The following ADRA1A variants were observed in gnomAD, a reference collection of about 807,000 sequenced individuals.
ADRA1A encodes the protein adrenoceptor alpha 1A.
Under a neutral mutation model 29.6 loss-of-function variants are expected in ADRA1A, and 31 were observed. That is an observed-to-expected ratio of 1.05 (90% CI 0.79 to 1.41). ADRA1A has a LOEUF of 1.41. Ranked by LOEUF, ADRA1A falls within the 40% of genes most tolerant of loss-of-function variation. The pLI, the probability that ADRA1A is intolerant of heterozygous loss-of-function variation, is 0.00. For missense variants in ADRA1A, 619 were observed against 601.1 expected, an observed-to-expected ratio of 1.03 and a Z score of -0.31; for synonymous variants, 311 against 254.3, an observed-to-expected ratio of 1.22 and a Z score of -2.12.
At chr8:26,827,932 C>T (rs1291081825) in intron 2 of ADRA1A, among the ~76,000 whole-genome samples, 2 of 152,154 alleles carry the variant, frequency 1.3e-5, no homozygotes, top group Non-Finnish European at 2.9e-5. Context: ...CTCACTCTTT[C>T]ACCCAGGCTG....
At chr8:26,790,276 T>TA (rs1176841674) in intron 2 of ADRA1A, among the ~76,000 whole-genome samples, 2 of 152,128 alleles carry the variant, frequency 1.3e-5, no homozygotes, top group Non-Finnish European at 2.9e-5. Flanking sequence ...TACTCAGCCC[T>TA]AAAAAAGAAT....
At position 26,769,601 on chromosome 8, in the gene ADRA1A, A is replaced by G. The variant is rs1805987562; in HGVS notation, c.*548T>C. The G allele has an allele frequency of 1.0e-6, 1 of 985,448 alleles. No individual in the cohort carries two copies. The highest frequency in any genetic ancestry group is 6.1e-5 in the Admixed American group (1 of 16,270). 61.0% of individuals were successfully genotyped at this position (985,448 alleles called of 1,614,324 possible). ...CTGCCAAGTTTCCCTCAAGCTGAGA[A>G]ATTGGATGTATCAGAAAGGGTGGAG... On this transcript the variant is annotated 3_prime_UTR_variant, in exon 3 of 3. Coordinates refer to ENST00000380573, the MANE Select transcript of ADRA1A (RefSeq NM_000680.4).
At chr8:26,858,532 G>A (rs1239694334) in intron 2 of ADRA1A, among the ~76,000 whole-genome samples, 1 of 152,150 alleles carries the variant, frequency 6.6e-6, no homozygotes, top group Non-Finnish European at 1.5e-5. Context: ...AGAAAGCCTA[G>A]GTTTAAATCT....
intron 2 of ADRA1A, among the ~76,000 whole-genome samples, chr8:26,813,052 T>G (rs1809525420): frequency 6.7e-6 from 1 of 150,358 alleles, no homozygotes; most frequent in South Asian, 2.1e-4. Context: ...CGCTATCGTC[T>G]AACTACAATT....
At chr8:26,804,035 C>T (rs1808789832) in intron 2 of ADRA1A, among the ~76,000 whole-genome samples, 1 of 150,858 alleles carries the variant, frequency 6.6e-6, no homozygotes, top group Non-Finnish European at 1.5e-5. Context: ...GATCCTTCCA[C>T]CACAGCATCC....
intron 2 of ADRA1A, among the ~76,000 whole-genome samples, chr8:26,846,811 A>T (rs575363917): frequency 6.6e-6 from 1 of 152,210 alleles, no homozygotes; most frequent in Non-Finnish European, 1.5e-5. Flanking sequence ...AAAGACTTGG[A>T]ACCAACCCAA....
intron 2 of ADRA1A, among the ~76,000 whole-genome samples, chr8:26,849,488 T>G (rs987365018): frequency 2.6e-4 from 40 of 152,226 alleles, no homozygotes; most frequent in African/African-American, 9.4e-4. Flanking sequence ...AAACAGCCTT[T>G]GCTGTGCAAA....
chr8:26,799,166 T>TA (rs199547291), intron 2 of ADRA1A, among the ~76,000 whole-genome samples: 12,147 of 151,590 alleles, frequency 0.08, 523 homozygotes, highest in African/African-American at 0.13. Context: ...TCTTCTGCTG[T>TA]AAAAAAAAAG....
chr8:26,779,845 C>A (rs1806827018), intron 2 of ADRA1A, among the ~76,000 whole-genome samples: 1 of 152,120 alleles, frequency 6.6e-6, no homozygotes, highest in African/African-American at 2.4e-5. Context: ...AACTTGTGAG[C>A]TTCTTAATAA....
rs563580372 is a variant in ADRA1A at position 26,796,882 on chromosome 8, A to G, written c.884-26216T>C. ...GGCAGATATGTTCAGGACATATTGG[A>G]GAGGTTTATTCCCTCACTGCGCAAA... On this transcript the variant is annotated intron_variant, in intron 2 of 2. Coordinates refer to ENST00000380573, the MANE Select transcript of ADRA1A (RefSeq NM_000680.4). The surrounding 1 kb of genome is among the most constrained non-coding windows in gnomAD (Gnocchi z 5.0). 6.6e-6 allele frequency among the ~76,000 whole-genome samples: 1 copy of G among 152,212 alleles called. No individual in the cohort carries two copies. The highest frequency in any genetic ancestry group is 2.4e-5 in the African/African-American group (1 of 41,530).
At chr8:26,792,129 T>A (rs1807881193) in intron 2 of ADRA1A, among the ~76,000 whole-genome samples, 2 of 152,152 alleles carry the variant, frequency 1.3e-5, no homozygotes, top group Admixed American at 6.6e-5. Context: ...AAAGCAGCCA[T>A]CAGGATTGGA....
chr8:26,786,260 G>T (rs142500978), intron 2 of ADRA1A, among the ~76,000 whole-genome samples: 2,014 of 151,364 alleles, frequency 0.013, 28 homozygotes, highest in Middle Eastern at 0.071. Flanking sequence ...TTTGAGATAA[G>T]GTCTCACTCT....
chr8:26,778,123 G>A (rs1806684311), intron 2 of ADRA1A, among the ~76,000 whole-genome samples: 1 of 152,144 alleles, frequency 6.6e-6, no homozygotes, highest in South Asian at 2.1e-4. Flanking sequence ...CTTGTCAAAT[G>A]GTTCGTCTCA....
chr8:26,804,687 T>C (rs1315406589), intron 2 of ADRA1A, among the ~76,000 whole-genome samples: 1 of 152,086 alleles, frequency 6.6e-6, no homozygotes. Flanking sequence ...AAGTGAAAAA[T>C]CAACCTCTAA....
chr8:26,824,416 T>G (rs189593512), intron 2 of ADRA1A, among the ~76,000 whole-genome samples: 8 of 152,180 alleles, frequency 5.3e-5, no homozygotes, highest in Admixed American at 4.6e-4. Context: ...CAAACTTCGT[T>G]TTTTGCATCT....
intron 2 of ADRA1A, chr8:26,836,434 C>G (rs1811366582): frequency 6.6e-6 from 1 of 152,434 alleles, no homozygotes; most frequent in Admixed American, 6.5e-5. Context: ...CTGCAAAAGT[C>G]CCTTCTACTG....
At chr8:26,789,391 C>T (rs1197093873) in intron 2 of ADRA1A, among the ~76,000 whole-genome samples, 1 of 152,056 alleles carries the variant, frequency 6.6e-6, no homozygotes, top group Non-Finnish European at 1.5e-5. Flanking sequence ...AACAAAGCTG[C>T]CAAGAACATA....
Position 26,866,127 on chromosome 8 carries a change from C to A in ADRA1A, c.-686-472G>T, listed in dbSNP as rs1467185921. ...GGCGGCCTGGGAGAGGGAACAGCTGCGACCCAGGGACCTCAGGGCCAGGAC... is the reference window on the plus strand; with the variant it reads ...GGCGGCCTGGGAGAGGGAACAGCTGAGACCCAGGGACCTCAGGGCCAGGAC... On this transcript the variant is annotated intron_variant, in intron 1 of 2. Transcript: ENST00000380573. The surrounding 1 kb of genome is among the most constrained non-coding windows in gnomAD (Gnocchi z 5.7). Among the ~76,000 whole-genome samples, 2 of 152,112 alleles carry A rather than the reference C, an allele frequency of 1.3e-5. No individual in the cohort carries two copies. The highest frequency in any genetic ancestry group is 2.4e-5 in the African/African-American group (1 of 41,442).
At chr8:26,751,980 T>A (rs1403002856), downstream of ADRA1A, among the ~76,000 whole-genome samples, 2 of 152,174 alleles carry the variant, frequency 1.3e-5, no homozygotes, top group Non-Finnish European at 2.9e-5. Context: ...CAACAGTGTG[T>A]TCAACAACAT....
Sources: gnomAD v4.1 joint callset for allele counts (sites outside exome capture counted in the v4.1 genomes callset) on GRCh38, gnomAD v4.1.1 for gene constraint, Gnocchi (gnomAD v3.1) non-coding constraint, MANE v1.5 for transcripts, NCBI Gene and HGNC (gene_info 2026-07-23, HGNC 2026-07-21) for gene names.